The following BSND variants were observed in gnomAD, a reference collection of about 807,000 sequenced individuals.
The protein encoded by BSND is barttin.
A neutral mutation model predicts 18.8 loss-of-function variants in BSND; 13 were observed. The ratio of observed to expected loss-of-function variants is 0.69; its 90% CI spans 0.45 to 1.10. The LOEUF (loss-of-function observed/expected upper bound fraction) is 1.10, where lower values mean the gene tolerates loss of function less well. Ranked by LOEUF, BSND falls within the 50% of genes least tolerant of loss-of-function variation. The pLI is 0.00. For synonymous variants in BSND, 170 were observed against 161.8 expected (o/e 1.05, Z -0.39); for missense variants, 379 against 416.7 (o/e 0.91, Z 0.79).
rs769806934 is a variant in BSND, at chr1:55,007,224, G to T, written c.500G>T (p.Gly167Val). The T allele has an allele frequency of 1.9e-5, 30 of 1,613,136 alleles. No homozygotes were observed. The highest frequency in any genetic ancestry group is 2.5e-5 in the Non-Finnish European group (29 of 1,179,260). The change falls in exon 3 of 4, where the codon GGC (glycine) becomes GTC (valine). Residue 167 changes from glycine to valine, a missense_variant. Gly to Val is a moderately radical substitution (Grantham distance 109, BLOSUM62 -3). Coordinates refer to ENST00000651561, the MANE Select transcript of BSND (RefSeq NM_057176.3). ...GAGGCTGCCGTGGTCATCCACAAGG[G>T]CTCAGACGAGAGTGAAGGGGAAAGA... is the stretch of plus-strand genomic sequence containing the variant. ...WMEAAVVIHK[G>V]SDESEGERRL...
At chr1:55,007,395 T>G (rs1644397362) in intron 3 of BSND, 123 bp downstream of exon 3, 6 of 1,300,122 alleles carry the variant, frequency 4.6e-6, no homozygotes, top group Admixed American at 2.8e-5. Context: ...GTGGAGGGTG[T>G]GGGACACCCT....
chr1:55,001,855 G>A (rs1644363129), intron 1 of BSND, among the ~76,000 whole-genome samples: 1 of 152,150 alleles, frequency 6.6e-6, no homozygotes. Context: ...AAGCAATGTG[G>A]TAAAAGAATA....
chr1:55,010,476 G>A lies in BSND; in HGVS notation c.*1848G>A, dbSNP rs1029785508. On this transcript the variant is annotated 3_prime_UTR_variant, in exon 4 of 4. Coordinates refer to ENST00000651561, the MANE Select transcript of BSND (RefSeq NM_057176.3). Reference sequence around the variant, plus strand: ...ACCTCAAACCAGGACCACGCCCTCAGAGCCTGCACCCTGGGCCACCTGGGA... The same window carrying A: ...ACCTCAAACCAGGACCACGCCCTCAAAGCCTGCACCCTGGGCCACCTGGGA... 1 of 152,338 alleles carries A rather than the reference G, an allele frequency of 6.6e-6. No individual in the cohort carries two copies. Among genetic ancestry groups the A allele is most frequent in the Non-Finnish European group, 1.5e-5 (1 of 68,136 alleles). 9.4% of individuals were successfully genotyped at this position (152,338 alleles called of 1,614,324 possible). A position where few individuals can be genotyped will look rare whatever the true frequency, so the allele number is the denominator to read the frequency against.
rs1298958716 is a variant in BSND at position 55,015,286 on chromosome 1, A to G, written c.*6658A>G. The stretch of plus-strand genomic sequence containing the variant: ...ATGCCAGGTCAGGACTGAAGCTTGC[A>G]GAGCCGGTGTCCTGGATTCCTCCTT... On this transcript the variant is annotated 3_prime_UTR_variant, in exon 4 of 4. Coordinates refer to ENST00000651561, the MANE Select transcript of BSND (RefSeq NM_057176.3). 2.0e-5 allele frequency among the ~76,000 whole-genome samples: 3 copies of G among 152,210 alleles called. No homozygotes were observed. Among genetic ancestry groups the G allele is most frequent in the Non-Finnish European group, 4.4e-5 (3 of 68,030 alleles).
At chr1:55,007,372 T>A in intron 3 of BSND, 100 bp downstream of exon 3, 1 of 1,370,352 alleles carries the variant, frequency 7.3e-7, no homozygotes, top group Non-Finnish European at 9.8e-7. Flanking sequence ...ACACTGGGGG[T>A]AAGGAGAGGG....
rs1265854883 is a variant in BSND, at chr1:55,014,580, A to G, written c.*5952A>G. Among the ~76,000 whole-genome samples the G allele has an allele frequency of 1.3e-5, 2 of 152,226 alleles. No individual in the cohort carries two copies. Among genetic ancestry groups the G allele is most frequent in the Non-Finnish European group, 2.9e-5 (2 of 68,046 alleles). ...ATGTGCACCTGGGTCGTTCAAGCCT[A>G]CAAGCACTGTGTCATCCAAGCACAT... On this transcript the variant is annotated 3_prime_UTR_variant, in exon 4 of 4. Coordinates refer to ENST00000651561, the MANE Select transcript of BSND (RefSeq NM_057176.3).
rs1644348117 is a variant in BSND, at chr1:54,999,177, C to T, written c.-10C>T. 3.1e-6 allele frequency: 5 copies of T among 1,613,720 alleles called. No individual in the cohort carries two copies. In the South Asian group the frequency reaches 5.5e-5, roughly 18 times the overall value. On this transcript the variant is annotated 5_prime_UTR_variant, in exon 1 of 4. Transcript: ENST00000651561. ...CGGGGGTGTGCAGGCCAGGGACTGG[C>T]CAGGCAGCCATGGCTGACGAGAAGA...
Position 55,013,206 on chromosome 1 carries a change from C to T in BSND, c.*4578C>T, listed in dbSNP as rs1340223030. Among the ~76,000 whole-genome samples, 1 of 152,090 alleles carries T rather than the reference C, an allele frequency of 6.6e-6. No homozygotes were observed. Among genetic ancestry groups the T allele is most frequent in the East Asian group, 1.9e-4 (1 of 5,194 alleles). On this transcript the variant is annotated 3_prime_UTR_variant, in exon 4 of 4. Transcript: ENST00000651561. ...GAGATGGAGTGTTGCGCTTGTTGCC[C>T]AGGCTAGAGTGCAATGGCGCAATCT... is the stretch of plus-strand genomic sequence containing the variant.
intron 1 of BSND, 55 bp downstream of exon 1, chr1:54,999,418 A>C: frequency 6.4e-7 from 1 of 1,552,922 alleles, no homozygotes; most frequent in East Asian, 2.3e-5. Context: ...GGAGGGCTGG[A>C]CACTGTGCCT....
At position 55,013,822 on chromosome 1, in the gene BSND, G is replaced by T. The variant is rs1644435337; in HGVS notation, c.*5194G>T. ...ACTGCCCCATCCAGCTGAATCATCT[G>T]CCATGTGCTCCCGTGCAGCAGCCCC... On this transcript the variant is annotated 3_prime_UTR_variant, in exon 4 of 4. Coordinates refer to ENST00000651561, the MANE Select transcript of BSND (RefSeq NM_057176.3). Among the ~76,000 whole-genome samples the T allele has an allele frequency of 6.6e-6, 1 of 152,118 alleles. No individual in the cohort carries two copies. Among genetic ancestry groups the T allele is most frequent in the African/African-American group, 2.4e-5 (1 of 41,416 alleles).
rs1213745319 is a variant in BSND, at chr1:55,004,706, T to C, written c.178-316T>C. 2.6e-5 allele frequency among the ~76,000 whole-genome samples: 4 copies of C among 152,144 alleles called. No homozygotes were observed. In the East Asian group the frequency reaches 5.8e-4, roughly 22 times the overall value. The stretch of plus-strand genomic sequence containing the variant: ...GCACTGGACGAAGACCCCTGGGAAA[T>C]GAAAAGATGTGAGCTCCTCAAGGAC... On this transcript the variant is annotated intron_variant, in intron 1 of 3. Coordinates refer to ENST00000651561, the MANE Select transcript of BSND (RefSeq NM_057176.3).
At chr1:55,008,036 C>CAT (rs111572097) in intron 3 of BSND, among the ~76,000 whole-genome samples, 178 bp from the exon 4 acceptor site, 17 of 152,340 alleles carry the variant, frequency 1.1e-4, no homozygotes, top group African/African-American at 3.6e-4. Context: ...GTGCCTTGCA[C>CAT]ATATTATCTG....
At position 55,007,138 on chromosome 1, in the gene BSND, G is replaced by C; in HGVS notation, c.414G>C (p.Gln138His). 1 of 1,614,218 alleles carries C rather than the reference G, an allele frequency of 6.2e-7. No individual in the cohort carries two copies. ...HRSLLAPEMG[Q>H]PKLGTSDGGE... ...CCTTGCTGGCCCCTGAGATGGGGCAGCCGAAGCTGGGAACCAGTGATGGAG... is the reference window on the plus strand; with the variant it reads ...CCTTGCTGGCCCCTGAGATGGGGCACCCGAAGCTGGGAACCAGTGATGGAG... Residue 138 changes from glutamine (Q) to histidine (H), a missense_variant, in exon 3 of 4, where the codon CAG becomes CAC. Gln to His is a conservative substitution (Grantham distance 24). Coordinates refer to ENST00000651561, the MANE Select transcript of BSND (RefSeq NM_057176.3).
At position 55,017,074 on chromosome 1, in the gene BSND, C is replaced by A. The variant is rs1214065479; in HGVS notation, c.*8446C>A. Among the ~76,000 whole-genome samples the A allele has an allele frequency of 6.6e-6, 1 of 152,212 alleles. No homozygotes were observed. Among genetic ancestry groups the A allele is most frequent in the Non-Finnish European group, 1.5e-5 (1 of 68,044 alleles). On this transcript the variant is annotated 3_prime_UTR_variant, in exon 4 of 4. Transcript: ENST00000651561. ...TATCTCCTTCATTGGACGCTAAGCT[C>A]TGTGAAGGCAAGGACTCTATTACGT... is the stretch of plus-strand genomic sequence containing the variant.
rs116186081 is a variant in BSND, at chr1:55,013,089, T to C, written c.*4461T>C. 8.1e-3 allele frequency among the ~76,000 whole-genome samples: 1,237 copies of C among 152,354 alleles called. 22 individuals carry two copies. The highest frequency in any genetic ancestry group is 0.029 in the African/African-American group (1,189 of 41,574). ...ATAAGACTCAACAATGCACCTGTTG[T>C]GCTGTGCACACTTTTCTTCATTTCA... On this transcript the variant is annotated 3_prime_UTR_variant, in exon 4 of 4. Transcript: ENST00000651561.
In BSND at chr1:55,011,928, G is replaced by T. The variant is rs12072934; in HGVS notation, c.*3300G>T. ...GGGAGGCTCTGAAAGGGTCAGGAGG[G>T]GCCTTTTGGGGTGGCAAAGCCTGGG... is the stretch of plus-strand genomic sequence containing the variant. On this transcript the variant is annotated 3_prime_UTR_variant, in exon 4 of 4. Transcript: ENST00000651561. The T allele has an allele frequency of 0.018, 2,695 of 152,484 alleles. 73 individuals are homozygous for T. Among genetic ancestry groups the T allele is most frequent in the South Asian group, 0.067 (324 of 4,818 alleles). 9.4% of individuals were successfully genotyped at this position (152,484 alleles called of 1,614,324 possible). A position where few individuals can be genotyped will look rare whatever the true frequency, so the allele number is the denominator to read the frequency against.
chr1:54,999,383 G>C lies in BSND; in HGVS notation c.177+20G>C, dbSNP rs1644350180. On this transcript the variant is annotated intron_variant, in intron 1 of 3. Transcript: ENST00000651561. ...CCCAAGGTAGGTGGTAGTGGGGCTG[G>C]GTGGGGCCAGGTCAGCTGGGGCCAG... The C allele has an allele frequency of 1.3e-6, 2 of 1,597,412 alleles. No homozygotes were observed. The highest frequency in any genetic ancestry group is 1.7e-6 in the Non-Finnish European group (2 of 1,169,064).
Position 55,015,263 on chromosome 1 carries a change from G to A in BSND, c.*6635G>A, listed in dbSNP as rs1239463597. The stretch of plus-strand genomic sequence containing the variant: ...TTTCCACTCATGTCACTGGGTGGAT[G>A]CCAGGTCAGGACTGAAGCTTGCAGA... On this transcript the variant is annotated 3_prime_UTR_variant, in exon 4 of 4. Transcript: ENST00000651561. Among the ~76,000 whole-genome samples, 1 of 152,220 alleles carries A rather than the reference G, an allele frequency of 6.6e-6. No individual in the cohort carries two copies. The highest frequency in any genetic ancestry group is 1.9e-4 in the East Asian group (1 of 5,206).
At chr1:55,003,891 CAT>C (rs1178418405) in intron 1 of BSND, among the ~76,000 whole-genome samples, 1 of 152,216 alleles carries the variant, frequency 6.6e-6, no homozygotes, top group South Asian at 2.1e-4. Context: ...GTGTCTTAAA[CAT>C]ATTTAAGTGT....
Sources: allele counts gnomAD v4.1 joint callset (sites outside exome capture counted in the v4.1 genomes callset), GRCh38; gene constraint gnomAD v4.1.1; transcripts MANE v1.5; gene names NCBI Gene and HGNC (gene_info 2026-07-23, HGNC 2026-07-21).